The following PDXDC1 variants were observed in gnomAD, a reference collection of about 807,000 sequenced individuals.
PDXDC1 encodes the protein pyridoxal dependent decarboxylase domain containing 1.
A neutral mutation model predicts 100.1 loss-of-function variants in PDXDC1; 42 were observed. The ratio of observed to expected loss-of-function variants is 0.42; its 90% confidence interval spans 0.33 to 0.54. PDXDC1 has a LOEUF of 0.54. PDXDC1 is among the 20% of genes least tolerant of loss of function. The pLI is 0.10. For synonymous variants in PDXDC1, 260 were observed against 371.7 expected (o/e 0.70, Z 3.46); for missense variants, 636 against 979.2 (o/e 0.65, Z 4.68).
chr16:15,129,984 C>G, intron 16 of PDXDC1: 4 of 1,224,400 alleles, frequency 3.3e-6, no homozygotes, highest in Non-Finnish European at 4.8e-6. Context: ...TCCAACTGGT[C>G]CAGCTTGTGC....
At chr16:15,137,375 C>A in intron 16 of PDXDC1, 1 of 1,518,644 alleles carries the variant, frequency 6.6e-7, no homozygotes, top group Non-Finnish European at 8.8e-7. Context: ...GGCCGCCCCA[C>A]ACAGGCACCA....
At chr16:15,014,442 T>C (rs1455998003) in intron 8 of PDXDC1, among the ~76,000 whole-genome samples, 1 of 152,270 alleles carries the variant, frequency 6.6e-6, no homozygotes, top group Non-Finnish European at 1.5e-5. Flanking sequence ...TGCCAAGAAA[T>C]ACGAAAAGAG....
intron 16 of PDXDC1, among the ~76,000 whole-genome samples, chr16:15,082,318 ATGTGGTTTT>A (rs1317466126): frequency 6.6e-6 from 1 of 152,034 alleles, no homozygotes; most frequent in East Asian, 1.9e-4. Context: ...TGAGATGATT[ATGTGGTTTT>A]TGTCCTTTGT....
chr16:15,140,114 A>AAAG (rs2048443426), downstream of PDXDC1, among the ~76,000 whole-genome samples: 5 of 148,370 alleles, frequency 3.4e-5, no homozygotes, highest in African/African-American at 5.0e-5. Context: ...AAAAAAAAAA[A>AAAG]AAAAGAAAAG....
At chr16:15,141,723 A>G (rs374780169), downstream of PDXDC1, among the ~76,000 whole-genome samples, 7 of 152,190 alleles carry the variant, frequency 4.6e-5, no homozygotes, top group African/African-American at 1.4e-4. Flanking sequence ...GCCCACAGCC[A>G]CGCTGCTAGG....
At chr16:14,989,584 G>A (rs1970223995) in intron 1 of PDXDC1, 2 of 1,610,874 alleles carry the variant, frequency 1.2e-6, no homozygotes, top group African/African-American at 1.3e-5. Flanking sequence ...CTGTGCGCCA[G>A]AAAGCCCTCT....
intron 16 of PDXDC1, chr16:15,074,688 C>T (rs758013642): frequency 6.4e-7 from 1 of 1,553,762 alleles, no homozygotes; most frequent in Non-Finnish European, 8.8e-7. Flanking sequence ...AGGTACACTG[C>T]AGGTGTTCAA....
intron 13 of PDXDC1, 142 bp downstream of exon 13, chr16:15,022,896 A>T (rs2042314888): frequency 1.3e-6 from 1 of 752,638 alleles, no homozygotes; most frequent in African/African-American, 1.8e-5. Flanking sequence ...AAAACAAAAA[A>T]ACGAAACAAA....
At position 15,013,935 on chromosome 16, in the gene PDXDC1, G is replaced by A. The variant is rs187689535; in HGVS notation, c.728-2194G>A. ...AAAACTGCTTATTTAGGCCGGGTGC[G>A]GTGGCTCATGCATGTAATTCCAGCA... On this transcript the variant is annotated intron_variant, in intron 8 of 22. Transcript: ENST00000396410. Among the ~76,000 whole-genome samples, 19 of 152,056 alleles carry A rather than the reference G, an allele frequency of 1.2e-4. No individual in the cohort carries two copies. In the East Asian group the frequency reaches 2.7e-3, roughly 22 times the overall value.
At chr16:14,980,121 T>C (rs1967623439) in intron 1 of PDXDC1, among the ~76,000 whole-genome samples, 1 of 152,292 alleles carries the variant, frequency 6.6e-6, no homozygotes, top group African/African-American at 2.4e-5. Context: ...CCTAGATATT[T>C]ATGGCTTTGT....
chr16:15,091,650 G>A (rs569492157), intron 16 of PDXDC1, among the ~76,000 whole-genome samples: 2 of 152,074 alleles, frequency 1.3e-5, no homozygotes, highest in African/African-American at 4.8e-5. Context: ...TTCTCAAAAA[G>A]CATGAGGGAA....
In PDXDC1 at chr16:15,036,527, T is replaced by C; in HGVS notation, c.*252T>C. 1.9e-6 allele frequency: 1 copy of C among 525,534 alleles called. No individual in the cohort carries two copies. The highest frequency in any genetic ancestry group is 3.3e-6 in the Non-Finnish European group (1 of 299,366). The allele number at this position is 525,534 out of a possible 1,614,324, so 32.6% of individuals were successfully genotyped here. ...CCTAAGTTACCATAAACACATTTTA[T>C]TCACAAAAAACACTTCGAATTTCAA... is the stretch of plus-strand genomic sequence containing the variant. On this transcript the variant is annotated 3_prime_UTR_variant, in exon 23 of 23. Transcript: ENST00000396410.
chr16:15,058,936 AATT>A (rs1354473081), intron 16 of PDXDC1, among the ~76,000 whole-genome samples: 1 of 152,136 alleles, frequency 6.6e-6, no homozygotes, highest in Non-Finnish European at 1.5e-5. Flanking sequence ...CCTGGCCCCA[AATT>A]ATTAGATACA....
upstream of PDXDC1, chr16:14,974,850 T>C (rs1966534180): frequency 6.5e-7 from 1 of 1,535,646 alleles, no homozygotes; most frequent in East Asian, 2.4e-5. Context: ...AATAGTACTT[T>C]GTGATTATTA....
Position 15,037,231 on chromosome 16 carries a change from T to TAA in PDXDC1, c.*957_*958dup, listed in dbSNP as rs1448138198. On this transcript the variant is annotated 3_prime_UTR_variant, in exon 23 of 23. Transcript: ENST00000396410. ...CGCTGATCCAGCCGGGCACCCTGCTTAAGTCAGTAGAAGCTCGCTGGCACT... is the reference window on the plus strand; with the variant it reads ...CGCTGATCCAGCCGGGCACCCTGCTTAAAAGTCAGTAGAAGCTCGCTGGCACT... 2.6e-5 allele frequency: 4 copies of TAA among 152,340 alleles called. No homozygotes were observed. In the East Asian group the frequency reaches 7.7e-4, roughly 29 times the overall value. The allele number at this position is 152,340 out of a possible 1,614,324, so 9.4% of individuals were successfully genotyped here.
chr16:14,985,389 G>A (rs1189744878), intron 1 of PDXDC1, among the ~76,000 whole-genome samples: 10 of 148,770 alleles, frequency 6.7e-5, no homozygotes, highest in South Asian at 2.2e-4. Context: ...CCGGGTTCAC[G>A]CCATTCTCCT....
intron 17 of PDXDC1, chr16:15,032,287 C>T (rs548393252): frequency 7.9e-5 from 17 of 214,622 alleles, no homozygotes; most frequent in Admixed American, 2.5e-4. Flanking sequence ...GCTGCTTTCT[C>T]GCCTTCAGAG....
chr16:15,066,752 G>T (rs1297753417), intron 16 of PDXDC1, among the ~76,000 whole-genome samples: 4 of 151,120 alleles, frequency 2.6e-5, no homozygotes, highest in African/African-American at 9.7e-5. Context: ...GTGTCAATAT[G>T]GTTCAATCTC....
chr16:15,125,428 C>T, intron 16 of PDXDC1: 4 of 837,360 alleles, frequency 4.8e-6, no homozygotes, highest in South Asian at 1.3e-5. Context: ...AGCAAACCTG[C>T]TCCCACGTGG....
Sources: allele counts gnomAD v4.1 joint callset (sites outside exome capture counted in the v4.1 genomes callset), GRCh38; gene constraint gnomAD v4.1.1; transcripts MANE v1.5; gene names NCBI Gene and HGNC (gene_info 2026-07-23, HGNC 2026-07-21).